N4BP1: variants seen among roughly 807,000 people sequenced by gnomAD.
N4BP1 encodes NEDD4-binding protein 1.
A neutral mutation model predicts 70.9 loss-of-function variants in N4BP1; 21 were observed. That is an observed-to-expected ratio of 0.30 (90% confidence interval 0.21 to 0.43). The LOEUF is 0.43. N4BP1 is among the 20% of genes least tolerant of loss of function. The probability of loss-of-function intolerance (pLI) is 1.00; values close to 1 mark genes in which losing one functional copy is unlikely to be tolerated. For missense variants in N4BP1, 936 were observed against 1,069.4 expected (o/e 0.88, Z 1.74); for synonymous variants, 387 against 394.6 (o/e 0.98, Z 0.23).
intron 1 of N4BP1, among the ~76,000 whole-genome samples, chr16:48,579,030 CAAGAGACATTGCT>C (rs1964139755): frequency 6.7e-6 from 1 of 149,340 alleles, no homozygotes; most frequent in African/African-American, 2.6e-5. Flanking sequence ...TTGACAATGC[CAAGAGACATTGCT>C]GGTTGTCACA....
intron 1 of N4BP1, among the ~76,000 whole-genome samples, chr16:48,567,571 A>T (rs1963961590): frequency 6.6e-6 from 1 of 152,050 alleles, no homozygotes; most frequent in South Asian, 2.1e-4. Flanking sequence ...CACCCACCTC[A>T]GCCTCCCAAA....
At chr16:48,580,095 TAAATG>T (rs1964154732) in intron 1 of N4BP1, among the ~76,000 whole-genome samples, 1 of 151,560 alleles carries the variant, frequency 6.6e-6, no homozygotes, top group African/African-American at 2.4e-5. Context: ...AGATTAGAAA[TAAATG>T]AAAGATTAGA....
Position 48,540,290 on chromosome 16 carries a change from G to A in N4BP1, c.*2614C>T, listed in dbSNP as rs1309804462. 2 of 152,316 alleles carry A rather than the reference G, an allele frequency of 1.3e-5. No homozygotes were observed. Among genetic ancestry groups the A allele is most frequent in the Non-Finnish European group, 2.9e-5 (2 of 68,124 alleles). 9.4% of individuals were successfully genotyped at this position (152,316 alleles called of 1,614,324 possible). On this transcript the variant is annotated 3_prime_UTR_variant, in exon 7 of 7. Coordinates refer to ENST00000262384, the MANE Select transcript of N4BP1 (RefSeq NM_153029.4). ...AGGAGCTGGGGGAGGGCGGGGAGAA[G>A]AGGGGTTTCTGTGTGTAGATCTGAG...
chr16:48,543,268 A>C lies in N4BP1; in HGVS notation c.2334-7T>G. ...GAGTAGGGGCTGCATATCTCTGTGA[A>C]TGGAAGTGAGTCCTGGTGAGTTGGG... On this transcript the variant is annotated splice_polypyrimidine_tract_variant and splice_region_variant and intron_variant, in intron 6 of 6. Coordinates refer to ENST00000262384, the MANE Select transcript of N4BP1 (RefSeq NM_153029.4). The C allele has an allele frequency of 6.6e-7, 1 of 1,507,000 alleles. No homozygotes were observed. The highest frequency in any genetic ancestry group is 8.9e-7 in the Non-Finnish European group (1 of 1,127,988). The allele number at this position is 1,507,000 out of a possible 1,614,324, so 93.4% of individuals were successfully genotyped here.
intron 2 of N4BP1, among the ~76,000 whole-genome samples, chr16:48,558,687 T>C (rs1425259361): frequency 6.6e-6 from 1 of 152,224 alleles, no homozygotes; most frequent in African/African-American, 2.4e-5. Context: ...GTGACCTAAA[T>C]TTTGTGTCAC....
At chr16:48,609,696 C>G (rs1964647559) in intron 1 of N4BP1, 79 bp downstream of exon 1, 3 of 1,163,990 alleles carry the variant, frequency 2.6e-6, no homozygotes, top group Non-Finnish European at 1.1e-6. Context: ...CGGCGGACGG[C>G]GGGGGCGGGG....
intron 1 of N4BP1, among the ~76,000 whole-genome samples, chr16:48,575,592 G>A: frequency 6.6e-6 from 1 of 152,080 alleles, no homozygotes. Flanking sequence ...TTTGACCTGG[G>A]GAAATGTTTC....
At chr16:48,587,150 G>C (rs1183193123) in intron 1 of N4BP1, 1 of 152,116 alleles carries the variant, frequency 6.6e-6, no homozygotes, top group Non-Finnish European at 1.5e-5. Context: ...ATAGAAAGTG[G>C]GTCTACAACA....
chr16:48,586,620 T>TAGGGAGTCAGA, intron 1 of N4BP1, among the ~76,000 whole-genome samples: 1 of 152,326 alleles, frequency 6.6e-6, no homozygotes, highest in Admixed American at 6.5e-5. Flanking sequence ...AGCCAGTAAT[T>TAGGGAGTCAGA]TATCCTTTTC....
chr16:48,562,322 A>C lies in N4BP1; in HGVS notation c.321T>G (p.Cys107Trp). 6.2e-7 allele frequency: 1 copy of C among 1,613,948 alleles called. No homozygotes were observed. The highest frequency in any genetic ancestry group is 8.5e-7 in the Non-Finnish European group (1 of 1,179,860). ...LFLKSLIQDT[C>W]ADLCILDIGL... Reference sequence around the variant, plus strand: ...CAATGTCCAGAATGCAGAGGTCAGCACAAGTATCCTGAATCAAGCTTTTCA... The same window carrying C: ...CAATGTCCAGAATGCAGAGGTCAGCCCAAGTATCCTGAATCAAGCTTTTCA... Residue 107 changes from cysteine to tryptophan, a missense_variant, in exon 2 of 7, where the codon TGT becomes TGG. This residue lies in a region of N4BP1 where 187 missense variants were observed against 217.1 expected (regional missense o/e 0.86). Transcript: ENST00000262384.
chr16:48,550,789 T>A lies in N4BP1; in HGVS notation c.2117+597A>T, dbSNP rs548060780. Among the ~76,000 whole-genome samples the A allele has an allele frequency of 6.7e-4, 99 of 148,600 alleles. 1 individual carries two copies. The highest frequency in any genetic ancestry group is 3.6e-3 in the Middle Eastern group (1 of 276). Reference sequence around the variant, plus strand: ...AAAAATTAGCCGGGCATGGTGGTGCTTGCCTGTAATCCCAGCTACTTGGGA... The same window carrying A: ...AAAAATTAGCCGGGCATGGTGGTGCATGCCTGTAATCCCAGCTACTTGGGA... On this transcript the variant is annotated intron_variant, in intron 4 of 6. Transcript: ENST00000262384.
chr16:48,609,233 G>A (rs1183802712), intron 1 of N4BP1, among the ~76,000 whole-genome samples: 4 of 152,146 alleles, frequency 2.6e-5, no homozygotes, highest in South Asian at 2.1e-4. Context: ...AAAAAAATAG[G>A]TAAACATAAA....
rs111862754 is a variant in N4BP1 at position 48,540,108 on chromosome 16, C to G, written c.*2796G>C. 1.3e-5 allele frequency: 2 copies of G among 152,412 alleles called. No homozygotes were observed. Among genetic ancestry groups the G allele is most frequent in the Admixed American group, 6.5e-5 (1 of 15,288 alleles). The allele number at this position is 152,412 out of a possible 1,614,324, so 9.4% of individuals were successfully genotyped here. On this transcript the variant is annotated 3_prime_UTR_variant, in exon 7 of 7. Coordinates refer to ENST00000262384, the MANE Select transcript of N4BP1 (RefSeq NM_153029.4). ...ACTGGGGAGGAAGGTGATGAACAGA[C>G]GGAGGTGAGCCAGAGACACCTCCTG...
chr16:48,580,286 A>T (rs908859900), intron 1 of N4BP1, among the ~76,000 whole-genome samples: 2 of 152,188 alleles, frequency 1.3e-5, no homozygotes, highest in African/African-American at 4.8e-5. Context: ...AGAAGATCAC[A>T]AAAAACTATT....
intron 2 of N4BP1, 122 bp downstream of exon 2, chr16:48,560,632 C>T (rs534836089): frequency 4.6e-5 from 61 of 1,314,308 alleles, no homozygotes; most frequent in Middle Eastern, 2.4e-4. Context: ...CTCCACCATC[C>T]GACCCTAAGG....
chr16:48,577,346 A>G (rs1419519980), intron 1 of N4BP1, among the ~76,000 whole-genome samples: 1 of 151,216 alleles, frequency 6.6e-6, no homozygotes, highest in Non-Finnish European at 1.5e-5. Context: ...TTCTTTCTCT[A>G]TTGCTCCTTA....
chr16:48,547,866 C>T lies in N4BP1; in HGVS notation c.2225+141G>A, dbSNP rs546641460. 7.2e-5 allele frequency: 44 copies of T among 610,846 alleles called. 1 individual carries two copies. The highest frequency in any genetic ancestry group is 9.3e-4 in the Middle Eastern group (2 of 2,148). The allele number at this position is 610,846 out of a possible 1,614,324, so 37.8% of individuals were successfully genotyped here. On this transcript the variant is annotated intron_variant, in intron 5 of 6. Transcript: ENST00000262384. Reference sequence around the variant, plus strand: ...AGCCACCTATGAAGTGGGAGTGCAGCACAGTCTTATGATACTTTGGTCCCC... The same window carrying T: ...AGCCACCTATGAAGTGGGAGTGCAGTACAGTCTTATGATACTTTGGTCCCC...
At chr16:48,546,292 C>A in intron 5 of N4BP1, 38 bp from the exon 6 acceptor site, 1 of 1,433,576 alleles carries the variant, frequency 7.0e-7, no homozygotes, top group Non-Finnish European at 9.6e-7. Context: ...GAGACAGGGT[C>A]CTCACTGCCC....
At chr16:48,604,067 A>C (rs1964541032) in intron 1 of N4BP1, among the ~76,000 whole-genome samples, 1 of 152,338 alleles carries the variant, frequency 6.6e-6, no homozygotes, top group East Asian at 1.9e-4. Context: ...CTGTAAGTTC[A>C]TACTATCTAA....
Sources: allele counts gnomAD v4.1 joint callset (sites outside exome capture counted in the v4.1 genomes callset), GRCh38; gene constraint gnomAD v4.1.1; regional missense constraint gnomAD v4.1.1; transcripts MANE v1.5; gene names NCBI Gene and HGNC (gene_info 2026-07-23, HGNC 2026-07-21).